Variants in CACNB3 observed in about 807,000 individuals in gnomAD.
CACNB3 encodes the protein calcium voltage-gated channel auxiliary subunit beta 3, also known as voltage-dependent L-type calcium channel subunit beta-3.
Under a neutral mutation model 63.7 loss-of-function variants are expected in CACNB3, and 36 were observed. The ratio of observed to expected loss-of-function variants is 0.57; its 90% CI spans 0.43 to 0.75. The LOEUF (loss-of-function observed/expected upper bound fraction) is 0.75. Among genes scored for constraint, CACNB3 ranks in the 30% least tolerant of loss-of-function variants. The pLI, the probability that CACNB3 is intolerant of heterozygous loss-of-function variation, is 0.00. For missense variants in CACNB3, 493 were observed against 648.6 expected, an observed-to-expected ratio of 0.76 and a Z score of 2.61; for synonymous variants, 241 against 250.6, an observed-to-expected ratio of 0.96 and a Z score of 0.36.
chr12:48,827,530 AGAAGACAAGGTGAG>A (rs1938212571), intron 12 of CACNB3, 41 bp from the exon 13 acceptor site: 5 of 1,479,808 alleles, frequency 3.4e-6, no homozygotes, highest in Non-Finnish European at 4.6e-6. Context: ...GCACCTCACC[AGAAGACAAGGTGAG>A]GTCTGTACTG....
upstream of CACNB3, chr12:48,815,580 C>A: frequency 1.3e-6 from 2 of 1,520,250 alleles, no homozygotes; most frequent in Non-Finnish European, 8.8e-7. Context: ...GGGCGTGGGG[C>A]GAGGCCAGGC....
Position 48,818,796 on chromosome 12 carries a change from C to G in CACNB3, c.-134C>G, listed in dbSNP as rs1478867164. On this transcript the variant is annotated 5_prime_UTR_variant, in exon 1 of 13. Coordinates refer to ENST00000301050, the MANE Select transcript of CACNB3 (RefSeq NM_000725.4). This position sits in a 1 kb window ranked among gnomAD's most constrained non-coding sequence, Gnocchi z 4.3. ...CGCGGCTCGCTCCCTCCTTCGCGCT[C>G]TCTCGCTCCCTGCCGCCGCCCGCAG... The G allele has an allele frequency of 1.5e-6, 2 of 1,364,528 alleles. No homozygotes were observed. The highest frequency in any genetic ancestry group is 1.9e-6 in the Non-Finnish European group (2 of 1,060,170). 84.5% of individuals were successfully genotyped at this position (1,364,528 alleles called of 1,614,324 possible).
rs1212040493 is a variant in CACNB3, at chr12:48,826,153, CTCCT to C, written c.743-212_743-209del. 10 of 594,606 alleles carry C rather than the reference CTCCT, an allele frequency of 1.7e-5. No individual in the cohort carries two copies. Among genetic ancestry groups the C allele is most frequent in the Admixed American group, 1.2e-4 (4 of 33,940 alleles). 36.8% of individuals were successfully genotyped at this position (594,606 alleles called of 1,614,324 possible). A position where few individuals can be genotyped will look rare whatever the true frequency, so the allele number is the denominator to read the frequency against. On this transcript the variant is annotated intron_variant, in intron 9 of 12. Coordinates refer to ENST00000301050, the MANE Select transcript of CACNB3 (RefSeq NM_000725.4). This position sits in a 1 kb window ranked among gnomAD's most constrained non-coding sequence, Gnocchi z 4.8. ...CCCTCTTCCCTTTTCTCTTCCTTACCTCCTTGTCTTTCTGCCCAACTCCTCTACC... is the reference window on the plus strand; with the variant it reads ...CCCTCTTCCCTTTTCTCTTCCTTACCTGTCTTTCTGCCCAACTCCTCTACC...
Position 48,823,728 on chromosome 12 carries a change from C to T in CACNB3, c.216C>T (p.Gly72=), listed in dbSNP as rs750349650. Residue 72 remains glycine (G), a synonymous_variant, in exon 3 of 13, where the codon GGC becomes GGT. Transcript: ENST00000301050. This position sits in a 1 kb window ranked among gnomAD's most constrained non-coding sequence, Gnocchi z 4.2. ...TGAGGACCAATGTCAGCTACTGTGGCGTACTGGATGAGGAGTGCCCAGTCC... is the reference window on the plus strand; with the variant it reads ...TGAGGACCAATGTCAGCTACTGTGGTGTACTGGATGAGGAGTGCCCAGTCC... ...FAVRTNVSYC[G]VLDEECPVQG... is the part of the protein sequence containing the mutation. The T allele has an allele frequency of 1.2e-5, 19 of 1,613,984 alleles. No individual in the cohort carries two copies. Among genetic ancestry groups the T allele is most frequent in the African/African-American group, 8.0e-5 (6 of 74,892 alleles).
upstream of CACNB3, chr12:48,814,533 C>T (rs1592176253): frequency 6.5e-7 from 1 of 1,527,750 alleles, no homozygotes; most frequent in Non-Finnish European, 8.7e-7. This position sits in a 1 kb window ranked among gnomAD's most constrained non-coding sequence, Gnocchi z 6.9. Flanking sequence ...AGCTGGGGCG[C>T]CCCTCGAGAC....
Position 48,826,733 on chromosome 12 carries a change from G to C in CACNB3, c.895-26G>C. ...CTGCCCAGAGTCCTGAGAGACTCCA[G>C]GCCTAGCTCTGCCCTCCCCGCTCAG... On this transcript the variant is annotated intron_variant, in intron 10 of 12. Transcript: ENST00000301050. The surrounding 1 kb of genome is among the most constrained non-coding windows in gnomAD (Gnocchi z 4.8). 6.3e-7 allele frequency: 1 copy of C among 1,595,378 alleles called. No individual in the cohort carries two copies. The highest frequency in any genetic ancestry group is 8.6e-7 in the Non-Finnish European group (1 of 1,163,026).
chr12:48,825,834 T>G lies in CACNB3; in HGVS notation c.742+65T>G. The G allele has an allele frequency of 8.8e-7, 1 of 1,141,486 alleles. No homozygotes were observed. The highest frequency in any genetic ancestry group is 1.5e-5 in the African/African-American group (1 of 65,370). The allele number at this position is 1,141,486 out of a possible 1,614,324, so 70.7% of individuals were successfully genotyped here. ...TGCCAGTGAGAACCTTCCTCCTCCCTTTTCTTTTTTTTGAGATGGAGTCTC... is the reference window on the plus strand; with the variant it reads ...TGCCAGTGAGAACCTTCCTCCTCCCGTTTCTTTTTTTTGAGATGGAGTCTC... On this transcript the variant is annotated intron_variant, in intron 9 of 12. Transcript: ENST00000301050. This position sits in a 1 kb window ranked among gnomAD's most constrained non-coding sequence, Gnocchi z 4.5.
Position 48,825,558 on chromosome 12 carries a change from C to T in CACNB3, c.632+66C>T. 6.3e-7 allele frequency: 1 copy of T among 1,591,422 alleles called. No homozygotes were observed. The highest frequency in any genetic ancestry group is 1.7e-5 in the Admixed American group (1 of 60,012). Reference sequence around the variant, plus strand: ...AAGCTCATGGCCTACTTCCAGATGCCTGTAGCTAGTCTTCTCTAAGGGAAG... The same window carrying T: ...AAGCTCATGGCCTACTTCCAGATGCTTGTAGCTAGTCTTCTCTAAGGGAAG... On this transcript the variant is annotated intron_variant, in intron 8 of 12. Coordinates refer to ENST00000301050, the MANE Select transcript of CACNB3 (RefSeq NM_000725.4). This position sits in a 1 kb window ranked among gnomAD's most constrained non-coding sequence, Gnocchi z 4.5.
In CACNB3 at chr12:48,826,481, C is replaced by T; in HGVS notation, c.857C>T (p.Ala286Val). ...GCACAGCTGGCCAAGACCTCGCTGG[C>T]CCCCATCATCGTCTTTGTCAAAGTG... is the stretch of plus-strand genomic sequence containing the variant. ...HPAQLAKTSL[A>V]PIIVFVKVSS... is the part of the protein sequence containing the mutation. The change falls in exon 10 of 13, where the codon GCC becomes GTC. Residue 286 changes from alanine to valine, a missense_variant. Physicochemically the swap from Ala to Val is moderately conservative, Grantham distance 64 (BLOSUM62 0). Coordinates refer to ENST00000301050, the MANE Select transcript of CACNB3 (RefSeq NM_000725.4). The surrounding 1 kb of genome is among the most constrained non-coding windows in gnomAD (Gnocchi z 4.8). The T allele has an allele frequency of 6.2e-7, 1 of 1,614,100 alleles. No homozygotes were observed. The highest frequency in any genetic ancestry group is 1.1e-5 in the South Asian group (1 of 91,062).
At chr12:48,824,462 A>G in intron 4 of CACNB3, 89 bp downstream of exon 4, 1 of 1,215,974 alleles carries the variant, frequency 8.2e-7, no homozygotes. Context: ...ATACACATGC[A>G]TATCCCCCTG....
chr12:48,827,454 C>T (rs1478562124), intron 12 of CACNB3, 131 bp from the exon 13 acceptor site: 4 of 941,300 alleles, frequency 4.2e-6, no homozygotes, highest in Admixed American at 2.8e-5. Context: ...AAAAATGCTC[C>T]AGCATGCTTT....
chr12:48,817,111 G>A, upstream of CACNB3: 1 of 615,280 alleles, frequency 1.6e-6, no homozygotes, highest in Non-Finnish European at 2.0e-6. Context: ...TCAGCCACAG[G>A]GGCTGCAACA....
At position 48,826,598 on chromosome 12, in the gene CACNB3, G is replaced by C; in HGVS notation, c.894+80G>C. The C allele has an allele frequency of 1.3e-6, 2 of 1,570,764 alleles. No individual in the cohort carries two copies. The highest frequency in any genetic ancestry group is 1.7e-6 in the Non-Finnish European group (2 of 1,143,762). The stretch of plus-strand genomic sequence containing the variant: ...GCATGATTCTACTTGGTCCCTGCCT[G>C]GGGCACCTGAGTTCCCTTTTCCTGC... On this transcript the variant is annotated intron_variant, in intron 10 of 12. Transcript: ENST00000301050. This position sits in a 1 kb window ranked among gnomAD's most constrained non-coding sequence, Gnocchi z 4.8.
chr12:48,819,560 A>C, intron 1 of CACNB3: 2 of 380,418 alleles, frequency 5.3e-6, no homozygotes, highest in South Asian at 3.7e-5. Context: ...TCTCTAGCCC[A>C]GTTTCTCTCC....
chr12:48,826,536 A>C lies in CACNB3; in HGVS notation c.894+18A>C. 1 of 1,613,500 alleles carries C rather than the reference A, an allele frequency of 6.2e-7. No individual in the cohort carries two copies. Among genetic ancestry groups the C allele is most frequent in the Non-Finnish European group, 8.5e-7 (1 of 1,179,640 alleles). On this transcript the variant is annotated intron_variant, in intron 10 of 12. Transcript: ENST00000301050. This position sits in a 1 kb window ranked among gnomAD's most constrained non-coding sequence, Gnocchi z 4.8. ...CACCAAAGGTAAGTCAGCTGGGCTC[A>C]TGGAGGAGGCCCACAGGGCTATCCT...
intron 3 of CACNB3, chr12:48,824,016 T>A: frequency 1.5e-6 from 1 of 686,246 alleles, no homozygotes. Flanking sequence ...TCCATGTCTG[T>A]CAAGTGAGCA....
Position 48,825,099 on chromosome 12 carries a change from G to A in CACNB3, c.493-64G>A, listed in dbSNP as rs771033065. 6.3e-5 allele frequency: 101 copies of A among 1,596,458 alleles called. No homozygotes were observed. In the African/African-American group the frequency reaches 9.1e-4, roughly 14 times the overall value. On this transcript the variant is annotated intron_variant, in intron 6 of 12. Transcript: ENST00000301050. This position sits in a 1 kb window ranked among gnomAD's most constrained non-coding sequence, Gnocchi z 4.5. ...CCAGAACCTCTGGATCTGCCCTGAC[G>A]CCAACCAGGCATGAGACAGGCACCA...
rs752960950 is a variant in CACNB3 at position 48,827,935 on chromosome 12, G to A, written c.*36G>A. Reference sequence around the variant, plus strand: ...CTGCCCTACCCTGGCAGGCACAGGCGCAGCTGGCTGGGGGGCCCACTCCAG... The same window carrying A: ...CTGCCCTACCCTGGCAGGCACAGGCACAGCTGGCTGGGGGGCCCACTCCAG... On this transcript the variant is annotated 3_prime_UTR_variant, in exon 13 of 13. Coordinates refer to ENST00000301050, the MANE Select transcript of CACNB3 (RefSeq NM_000725.4). The A allele has an allele frequency of 3.7e-5, 58 of 1,572,200 alleles. No homozygotes were observed. In the Middle Eastern group the frequency reaches 6.7e-4, roughly 18 times the overall value.
upstream of CACNB3, chr12:48,814,948 C>A: frequency 5.2e-6 from 1 of 193,486 alleles, no homozygotes; most frequent in Non-Finnish European, 1.1e-5. The surrounding 1 kb of genome is among the most constrained non-coding windows in gnomAD (Gnocchi z 6.9). Context: ...CACCAGAACC[C>A]AGGAGAGGGG....
Sources: allele counts gnomAD v4.1 joint callset, GRCh38; gene constraint gnomAD v4.1.1; non-coding constraint Gnocchi (gnomAD v3.1); transcripts MANE v1.5; gene names NCBI Gene and HGNC (gene_info 2026-07-23, HGNC 2026-07-21).